The following DPP10 variants were observed in gnomAD, a reference collection of about 807,000 sequenced individuals.
DPP10 encodes inactive dipeptidyl peptidase 10.
In DPP10, 33 loss-of-function variants were observed where a neutral mutation model predicts 120.9. That is an observed-to-expected ratio of 0.27 (90% CI 0.21 to 0.37). The LOEUF (loss-of-function observed/expected upper bound fraction) is 0.37, where lower values mean the gene tolerates loss of function less well. DPP10 is among the 10% of genes least tolerant of loss of function. The pLI is 1.00. For missense variants in DPP10, 816 were observed against 942.8 expected (o/e 0.87, Z 1.76); for synonymous variants, 337 against 326.1 (o/e 1.03, Z -0.36).
At chr2:115,029,595 G>A (rs1179070560) in intron 1 of DPP10, among the ~76,000 whole-genome samples, 1 of 151,930 alleles carries the variant, frequency 6.6e-6, no homozygotes, top group Non-Finnish European at 1.5e-5. Context: ...GCTGGATACA[G>A]TATTCCTAGA....
intron 5 of DPP10, among the ~76,000 whole-genome samples, chr2:115,621,424 A>C (rs1235850480): frequency 6.6e-6 from 1 of 152,226 alleles, no homozygotes; most frequent in Non-Finnish European, 1.5e-5. Flanking sequence ...CACAGTTGAC[A>C]CAAGACAAAT....
At chr2:115,071,863 A>G (rs766935837) in intron 1 of DPP10, among the ~76,000 whole-genome samples, 44 of 152,010 alleles carry the variant, frequency 2.9e-4, no homozygotes, top group Non-Finnish European at 1.6e-4. Flanking sequence ...AAAAGTTTCC[A>G]TTATTTTTTT....
rs564257278 is a variant in DPP10 at position 114,933,861 on chromosome 2, A to G, written c.61-375378A>G. Among the ~76,000 whole-genome samples, 76 of 152,266 alleles carry G rather than the reference A, an allele frequency of 5.0e-4. No individual in the cohort carries two copies. In the Middle Eastern group the frequency reaches 0.01, roughly 20 times the overall value. On this transcript the variant is annotated intron_variant, in intron 1 of 25. Transcript: ENST00000410059. ...TTTTCACCGCAATAATTCTCAGGTC[A>G]TGCTGGTGTCGTTAGTCACCACACA...
intron 1 of DPP10, among the ~76,000 whole-genome samples, chr2:115,246,832 A>G (rs533492212): frequency 6.6e-6 from 1 of 152,162 alleles, no homozygotes; most frequent in Admixed American, 6.6e-5. Flanking sequence ...CCATGTTCAC[A>G]TCTTGAAGAG....
At chr2:115,527,244 G>C (rs1314587967) in intron 5 of DPP10, among the ~76,000 whole-genome samples, 1 of 151,966 alleles carries the variant, frequency 6.6e-6, no homozygotes, top group Non-Finnish European at 1.5e-5. Context: ...ATAGATTGTT[G>C]GCAAAGGTGC....
chr2:114,657,031 T>C (rs1295452509), intron 1 of DPP10, among the ~76,000 whole-genome samples: 3 of 152,128 alleles, frequency 2.0e-5, no homozygotes, highest in Non-Finnish European at 4.4e-5. Context: ...ATCATAAATC[T>C]GGGCCTGTCA....
chr2:114,927,991 C>T (rs1695764194), intron 1 of DPP10, among the ~76,000 whole-genome samples: 1 of 152,138 alleles, frequency 6.6e-6, no homozygotes, highest in Admixed American at 6.5e-5. Flanking sequence ...ACCCTCCCCA[C>T]CAGGGAAGGC....
intron 5 of DPP10, among the ~76,000 whole-genome samples, chr2:115,589,754 A>C (rs1395836127): frequency 2.6e-5 from 4 of 152,194 alleles, no homozygotes; most frequent in Non-Finnish European, 5.9e-5. Context: ...TTTAAACAAA[A>C]CTTTAACTTG....
At chr2:114,996,073 C>T (rs547857951) in intron 1 of DPP10, among the ~76,000 whole-genome samples, 48 of 152,150 alleles carry the variant, frequency 3.2e-4, no homozygotes, top group Non-Finnish European at 5.9e-4. Flanking sequence ...TTGAAAGATT[C>T]AATCTATGCA....
At chr2:114,720,372 G>A (rs1432767586) in intron 1 of DPP10, among the ~76,000 whole-genome samples, 3 of 152,078 alleles carry the variant, frequency 2.0e-5, no homozygotes, top group Non-Finnish European at 2.9e-5. Flanking sequence ...ACAAGAGCTA[G>A]TAGTGACAGT....
chr2:115,655,846 G>T (rs777392038), intron 5 of DPP10, among the ~76,000 whole-genome samples: 14 of 151,430 alleles, frequency 9.2e-5, no homozygotes, highest in Non-Finnish European at 1.8e-4. Context: ...ATTTCTTAGG[G>T]GAAGGCTGAG....
intron 1 of DPP10, among the ~76,000 whole-genome samples, chr2:115,141,319 A>G (rs1276361458): frequency 6.6e-6 from 1 of 152,188 alleles, no homozygotes; most frequent in Non-Finnish European, 1.5e-5. Flanking sequence ...GGAGGAAAGG[A>G]ATATTCACCG....
intron 1 of DPP10, among the ~76,000 whole-genome samples, chr2:115,075,727 A>T (rs1192388223): frequency 6.1e-5 from 9 of 147,652 alleles, no homozygotes; most frequent in Non-Finnish European, 1.2e-4. Flanking sequence ...TTTTAATGTT[A>T]GGCAACTCCT....
At chr2:114,569,220 C>T (rs1161629382) in intron 1 of DPP10, among the ~76,000 whole-genome samples, 3 of 151,570 alleles carry the variant, frequency 2.0e-5, no homozygotes, top group Non-Finnish European at 4.4e-5. Flanking sequence ...TACTAATTCA[C>T]CTCTTGTGCT....
intron 1 of DPP10, among the ~76,000 whole-genome samples, chr2:115,192,794 C>A (rs757856789): frequency 4.0e-5 from 6 of 151,628 alleles, no homozygotes; most frequent in Non-Finnish European, 7.4e-5. Context: ...CTCTTTTTAA[C>A]CCTTTATAAT....
intron 3 of DPP10, among the ~76,000 whole-genome samples, chr2:115,451,020 G>T (rs2073066477): frequency 6.6e-6 from 1 of 151,876 alleles, no homozygotes. Flanking sequence ...CTCATAGATT[G>T]TAATTTGACA....
intron 17 of DPP10, among the ~76,000 whole-genome samples, chr2:115,783,718 G>A (rs10194584): frequency 1.9e-3 from 293 of 151,940 alleles, no homozygotes; most frequent in African/African-American, 6.8e-3. Context: ...TAACTCTAAC[G>A]GCAACAATAA....
intron 3 of DPP10, among the ~76,000 whole-genome samples, chr2:115,362,359 G>A (rs2064833927): frequency 6.6e-6 from 1 of 152,088 alleles, no homozygotes; most frequent in African/African-American, 2.4e-5. Context: ...TCTAACTTAG[G>A]TAGATATATG....
chr2:114,965,870 G>T (rs1331306228), intron 1 of DPP10, among the ~76,000 whole-genome samples: 1 of 147,672 alleles, frequency 6.8e-6, no homozygotes, highest in African/African-American at 2.5e-5. Flanking sequence ...GGAGGCTGAG[G>T]CAGGAGAATG....
Sources: allele counts gnomAD v4.1 joint callset (sites outside exome capture counted in the v4.1 genomes callset), GRCh38; gene constraint gnomAD v4.1.1; transcripts MANE v1.5; gene names NCBI Gene and HGNC (gene_info 2026-07-23, HGNC 2026-07-21).